SOX5: variants seen among roughly 807,000 people sequenced by gnomAD.
The protein encoded by SOX5 is SRY-box transcription factor 5.
In SOX5, 9 loss-of-function variants were observed where a neutral mutation model predicts 92.0. That is an observed-to-expected ratio of 0.10 (90% CI 0.06 to 0.17). SOX5 has a LOEUF of 0.17. Among genes scored for constraint, SOX5 ranks in the 10% least tolerant of loss-of-function variants. The pLI, the probability that SOX5 is intolerant of heterozygous loss-of-function variation, is 1.00. For missense variants in SOX5, 642 were observed against 944.5 expected, an observed-to-expected ratio of 0.68 and a Z score of 4.20; for synonymous variants, 344 against 336.3, an observed-to-expected ratio of 1.02 and a Z score of -0.25.
At chr12:23,815,667 C>A (rs1226572460) in intron 3 of SOX5, among the ~76,000 whole-genome samples, 3 of 152,160 alleles carry the variant, frequency 2.0e-5, no homozygotes, top group Non-Finnish European at 2.9e-5. Context: ...CCTAGGTCTT[C>A]ATAATTCAGT....
rs576581458 is a variant in SOX5, at chr12:23,844,768, T to A, written c.481+1215A>T. On this transcript the variant is annotated intron_variant, in intron 3 of 14. Transcript: ENST00000451604. ...TCTTCCTTATAATGTTTTATGTTTT[T>A]AAAATAATTATTATAAAACTGTCTT... Among the ~76,000 whole-genome samples the A allele has an allele frequency of 1.6e-3, 250 of 152,326 alleles. 2 individuals carry two copies. Among genetic ancestry groups the A allele is most frequent in the Non-Finnish European group, 2.0e-3 (139 of 68,028 alleles).
intron 8 of SOX5, among the ~76,000 whole-genome samples, chr12:23,625,814 G>T (rs988101867): frequency 3.3e-5 from 5 of 152,064 alleles, no homozygotes; most frequent in African/African-American, 1.2e-4. Flanking sequence ...TCACCATGTT[G>T]GTCAGGCTGG....
At chr12:24,119,264 C>A (rs578142549) in intron 4 of SOX5, among the ~76,000 whole-genome samples, 2 of 151,936 alleles carry the variant, frequency 1.3e-5, no homozygotes, top group African/African-American at 4.8e-5. Context: ...ATCTTCAGAG[C>A]GAACAAAACA....
intron 4 of SOX5, among the ~76,000 whole-genome samples, chr12:24,082,466 CAAGA>C (rs1943480363): frequency 1.5e-5 from 1 of 68,128 alleles, no homozygotes; most frequent in Non-Finnish European, 3.1e-5. Flanking sequence ...TCCAAACAAA[CAAGA>C]AAGAACACAT....
intron 3 of SOX5, among the ~76,000 whole-genome samples, chr12:23,763,799 C>A (rs936428711): frequency 1.3e-5 from 2 of 152,048 alleles, no homozygotes; most frequent in African/African-American, 4.8e-5. Context: ...TTCCCAGGGT[C>A]ATTCAACCAA....
intron 2 of SOX5, among the ~76,000 whole-genome samples, chr12:23,863,079 A>G (rs543775696): frequency 1.3e-5 from 2 of 152,306 alleles, no homozygotes; most frequent in African/African-American, 4.8e-5. Flanking sequence ...AGCTTTCAAC[A>G]CTTTCACTTG....
rs1447064996 is a variant in SOX5 at position 23,782,033 on chromosome 12, T to C, written c.482-26309A>G. On this transcript the variant is annotated intron_variant, in intron 3 of 14. Transcript: ENST00000451604. ...TTTTTTTATTGACTAGAAAATTCCATAGCATTACACTCAGCATATAGAAGC... is the reference window on the plus strand; with the variant it reads ...TTTTTTTATTGACTAGAAAATTCCACAGCATTACACTCAGCATATAGAAGC... Among the ~76,000 whole-genome samples, 3 of 152,008 alleles carry C rather than the reference T, an allele frequency of 2.0e-5. No homozygotes were observed. In the South Asian group the frequency reaches 6.2e-4, roughly 31 times the overall value.
In SOX5 at chr12:24,214,859, G is replaced by C. The variant is rs530526007; in HGVS notation, c.-76-1442C>G. ...CATTTTAAAAAGCCTAAATAATTTT[G>C]GAATATTTAGATCATTTTAGAGTAC... On this transcript the variant is annotated intron_variant, in intron 3 of 4. Coordinates refer to the SOX5 transcript ENST00000446891. Among the ~76,000 whole-genome samples the C allele has an allele frequency of 2.0e-5, 3 of 151,942 alleles. No homozygotes were observed. In the East Asian group the frequency reaches 5.8e-4, roughly 29 times the overall value.
At chr12:24,045,019 C>CA (rs1438469759) in intron 4 of SOX5, among the ~76,000 whole-genome samples, 1 of 151,998 alleles carries the variant, frequency 6.6e-6, no homozygotes, top group African/African-American at 2.4e-5. Flanking sequence ...GAGTGGGTTC[C>CA]AAAAAAATCT....
intron 11 of SOX5, among the ~76,000 whole-genome samples, chr12:23,556,039 T>A (rs1945117647): frequency 6.6e-6 from 1 of 152,190 alleles, no homozygotes; most frequent in African/African-American, 2.4e-5. Flanking sequence ...TAATACCTAT[T>A]TGCCTTTTTG....
At chr12:23,864,924 T>C (rs755615761) in intron 2 of SOX5, among the ~76,000 whole-genome samples, 1 of 152,204 alleles carries the variant, frequency 6.6e-6, no homozygotes, top group African/African-American at 2.4e-5. Context: ...AGACACACCA[T>C]CTAAGACTTT....
chr12:24,209,769 A>T (rs1471264666), intron 4 of SOX5, among the ~76,000 whole-genome samples: 1 of 152,090 alleles, frequency 6.6e-6, no homozygotes, highest in Non-Finnish European at 1.5e-5. Flanking sequence ...CTGTAATCCC[A>T]GCACTTTGGG....
Position 23,533,382 on chromosome 12 carries a change from T to G in SOX5, c.*837A>C, listed in dbSNP as rs779459107. The stretch of plus-strand genomic sequence containing the variant: ...AAAAAAAAAGTCAAATCTCACCAGC[T>G]GCTGGTATTTCAGGTTTTTCAAGGG... On this transcript the variant is annotated 3_prime_UTR_variant, in exon 15 of 15. Coordinates refer to ENST00000451604, the MANE Select transcript of SOX5 (RefSeq NM_006940.6). The G allele has an allele frequency of 5.8e-5, 15 of 259,306 alleles. No individual in the cohort carries two copies. The highest frequency in any genetic ancestry group is 1.0e-4 in the Non-Finnish European group (13 of 125,570). The allele number at this position is 259,306 out of a possible 1,614,324, so 16.1% of individuals were successfully genotyped here. A position where few individuals can be genotyped will look rare whatever the true frequency, so the allele number is the denominator to read the frequency against.
At chr12:24,095,116 CACACACACACACAGAGAG>C (rs1432478296) in intron 4 of SOX5, among the ~76,000 whole-genome samples, 1,537 of 94,802 alleles carry the variant, frequency 0.016, 16 homozygotes, top group Admixed American at 0.04. Flanking sequence ...CACACACACA[CACACACACACACAGAGAG>C]AGAGAGAGAG....
At chr12:23,636,565 T>C (rs963315568) in intron 8 of SOX5, among the ~76,000 whole-genome samples, 6 of 152,146 alleles carry the variant, frequency 3.9e-5, no homozygotes, top group Non-Finnish European at 7.4e-5. Flanking sequence ...CAACCATAAG[T>C]AGGAATAGAT....
In SOX5 at chr12:24,266,517, C is replaced by G. The variant is rs138983980; in HGVS notation, c.-77+10699G>C. Among the ~76,000 whole-genome samples the G allele has an allele frequency of 1.8e-4, 28 of 152,248 alleles. No individual in the cohort carries two copies. In the East Asian group the frequency reaches 4.6e-3, roughly 25 times the overall value. ...CATTGGTTACTGTGGCATTTTTAATCTTCACCAATTTGCTAAGTGAACTAT... is the reference window on the plus strand; with the variant it reads ...CATTGGTTACTGTGGCATTTTTAATGTTCACCAATTTGCTAAGTGAACTAT... On this transcript the variant is annotated intron_variant, in intron 3 of 4. Coordinates refer to the SOX5 transcript ENST00000446891.
intron 4 of SOX5, among the ~76,000 whole-genome samples, chr12:23,975,802 T>C (rs920965152): frequency 1.3e-5 from 2 of 152,218 alleles, no homozygotes; most frequent in Non-Finnish European, 2.9e-5. Flanking sequence ...AGTTTTTCTA[T>C]TATTAAGACC....
chr12:23,577,361 G>A (rs192885840), intron 9 of SOX5, among the ~76,000 whole-genome samples: 96 of 150,908 alleles, frequency 6.4e-4, no homozygotes, highest in Admixed American at 2.6e-4. Flanking sequence ...CACCACGTCC[G>A]GCTAATTTTT....
At chr12:23,755,771 A>G in intron 3 of SOX5, 47 bp from the exon 4 acceptor site, 1 of 1,220,784 alleles carries the variant, frequency 8.2e-7, no homozygotes, top group Non-Finnish European at 1.1e-6. Context: ...GACTCTCCTT[A>G]CAATGGAGCT....
Sources: gnomAD v4.1 joint callset for allele counts (sites outside exome capture counted in the v4.1 genomes callset) on GRCh38, gnomAD v4.1.1 for gene constraint, MANE v1.5 for transcripts, NCBI Gene and HGNC (gene_info 2026-07-23, HGNC 2026-07-21) for gene names.